Variants in SLC24A2 observed in about 807,000 individuals in gnomAD.
SLC24A2 encodes the protein solute carrier family 24 member 2.
Under a neutral mutation model 62.0 loss-of-function variants are expected in SLC24A2, and 36 were observed. The observed-to-expected ratio is 0.58, with a 90% CI of 0.44 to 0.77. The LOEUF (loss-of-function observed/expected upper bound fraction) is 0.77, where lower values mean the gene tolerates loss of function less well. Among genes scored for constraint, SLC24A2 ranks in the 30% least tolerant of loss-of-function variants. SLC24A2 has a pLI of 0.00. For missense variants in SLC24A2, 846 were observed against 817.9 expected (o/e 1.03, Z -0.42); for synonymous variants, 358 against 294.0 (o/e 1.22, Z -2.23).
intron 7 of SLC24A2, among the ~76,000 whole-genome samples, chr9:19,561,515 A>C (rs1006739813): frequency 2.1e-5 from 3 of 144,892 alleles, no homozygotes; most frequent in Non-Finnish European, 4.5e-5. Flanking sequence ...GCTCACTGCA[A>C]CCTCCGCCTC....
chr9:19,876,505 T>C, the SLC24A2 span, among the ~76,000 whole-genome samples: 1 of 152,040 alleles, frequency 6.6e-6, no homozygotes, highest in Non-Finnish European at 1.5e-5. Context: ...TTCTTCTGGT[T>C]AAGTCAGATC....
At chr9:19,769,190 C>G (rs926142953) in intron 2 of SLC24A2, among the ~76,000 whole-genome samples, 1 of 152,212 alleles carries the variant, frequency 6.6e-6, no homozygotes, top group Non-Finnish European at 1.5e-5. Flanking sequence ...TCTAGTTACA[C>G]AGGACAAAAA....
chr9:19,618,778 T>A (rs1817833871), intron 4 of SLC24A2, among the ~76,000 whole-genome samples: 1 of 152,212 alleles, frequency 6.6e-6, no homozygotes, highest in Non-Finnish European at 1.5e-5. Flanking sequence ...AGCCCAATTA[T>A]AAAGTCCAAG....
the SLC24A2 span, among the ~76,000 whole-genome samples, chr9:19,934,212 C>CT: frequency 2.6e-5 from 4 of 152,200 alleles, no homozygotes; most frequent in African/African-American, 9.6e-5. The surrounding 1 kb of genome is among the most constrained non-coding windows in gnomAD (Gnocchi z 4.1). Flanking sequence ...GCCTGGCTCT[C>CT]TGAGAGGTCT....
the SLC24A2 span, among the ~76,000 whole-genome samples, chr9:20,243,376 T>C: frequency 6.6e-6 from 1 of 152,220 alleles, no homozygotes; most frequent in Non-Finnish European, 1.5e-5. Flanking sequence ...ATTCTATTTA[T>C]GAAATATTTG....
the SLC24A2 span, among the ~76,000 whole-genome samples, chr9:19,852,117 A>G: frequency 5.9e-5 from 9 of 152,224 alleles, no homozygotes; most frequent in Admixed American, 5.2e-4. Context: ...TTCTTGCCAC[A>G]TAAATGTCTT....
the SLC24A2 span, among the ~76,000 whole-genome samples, chr9:19,804,902 C>G: frequency 6.6e-6 from 1 of 152,062 alleles, no homozygotes; most frequent in Non-Finnish European, 1.5e-5. Flanking sequence ...TAGCATTTCT[C>G]CTTTATTCTA....
At chr9:20,220,721 G>A in the SLC24A2 span, among the ~76,000 whole-genome samples, 4 of 152,054 alleles carry the variant, frequency 2.6e-5, no homozygotes, top group Non-Finnish European at 5.9e-5. Context: ...ACGCTGTCAC[G>A]ATGGCCTTAC....
At chr9:20,126,768 C>G in the SLC24A2 span, among the ~76,000 whole-genome samples, 1 of 152,100 alleles carries the variant, frequency 6.6e-6, no homozygotes, top group Non-Finnish European at 1.5e-5. Flanking sequence ...ATCCTTAATT[C>G]TCTTAATTAT....
chr9:20,143,053 C>A, the SLC24A2 span, among the ~76,000 whole-genome samples: 5 of 152,102 alleles, frequency 3.3e-5, no homozygotes, highest in Admixed American at 2.6e-4. Context: ...TCAGAGTCAC[C>A]CACCAATGAA....
At position 19,560,910 on chromosome 9, in the gene SLC24A2, TATATATAGAGAG is replaced by T. The variant is rs746383961; in HGVS notation, c.1348-10654_1348-10643del. 3.7e-3 allele frequency among the ~76,000 whole-genome samples: 209 copies of T among 56,124 alleles called. 4 individuals carry two copies. Among genetic ancestry groups the T allele is most frequent in the African/African-American group, 0.014 (202 of 14,426 alleles). The allele number at this position is 56,124 out of a possible 152,430, so 36.8% of individuals were successfully genotyped here. On this transcript the variant is annotated intron_variant, in intron 7 of 10. Transcript: ENST00000341998. Reference sequence around the variant, plus strand: ...GTGTGTGTGTGTGTATATATATATATATATATAGAGAGAGAGAGAGAGAGAGAGAGAGAGAGA... The same window carrying T: ...GTGTGTGTGTGTGTATATATATATATAGAGAGAGAGAGAGAGAGAGAGAGA...
the SLC24A2 span, among the ~76,000 whole-genome samples, chr9:19,859,607 A>C: frequency 6.6e-6 from 1 of 152,250 alleles, no homozygotes; most frequent in Non-Finnish European, 1.5e-5. Context: ...ATCTACATGC[A>C]CAATAAATCA....
At chr9:19,582,620 G>A (rs1278318333) in intron 5 of SLC24A2, among the ~76,000 whole-genome samples, 3 of 152,188 alleles carry the variant, frequency 2.0e-5, no homozygotes, top group African/African-American at 7.2e-5. Context: ...TTTCTTTGAA[G>A]TTTATGGCTT....
the SLC24A2 span, among the ~76,000 whole-genome samples, chr9:19,989,673 A>G: frequency 6.6e-6 from 1 of 152,184 alleles, no homozygotes; most frequent in Non-Finnish European, 1.5e-5. Flanking sequence ...ACTAAGAAGA[A>G]CTTTCCCTCT....
intron 2 of SLC24A2, among the ~76,000 whole-genome samples, chr9:19,645,747 C>G (rs117864880): frequency 6.6e-3 from 1,001 of 152,276 alleles, no homozygotes; most frequent in Non-Finnish European, 0.01. Flanking sequence ...ATTGATTCTG[C>G]AAGAAAGAAG....
the SLC24A2 span, among the ~76,000 whole-genome samples, chr9:19,858,591 G>A: frequency 6.6e-6 from 1 of 152,076 alleles, no homozygotes; most frequent in Admixed American, 6.6e-5. Flanking sequence ...TATCTGCAAA[G>A]TATGCATCTG....
At chr9:20,199,116 C>G in the SLC24A2 span, among the ~76,000 whole-genome samples, 2 of 152,144 alleles carry the variant, frequency 1.3e-5, no homozygotes, top group Admixed American at 1.3e-4. Flanking sequence ...TATTAACTAA[C>G]AAGAATGTTT....
At chr9:19,597,608 G>A (rs938979605) in intron 4 of SLC24A2, among the ~76,000 whole-genome samples, 7 of 152,160 alleles carry the variant, frequency 4.6e-5, no homozygotes, top group Non-Finnish European at 7.3e-5. Flanking sequence ...TTTTATAGAG[G>A]TGACACTCCG....
At chr9:19,593,977 G>C (rs1306931696) in intron 5 of SLC24A2, among the ~76,000 whole-genome samples, 1 of 151,846 alleles carries the variant, frequency 6.6e-6, no homozygotes, top group Non-Finnish European at 1.5e-5. Flanking sequence ...CCCAGCAGTG[G>C]GAGACACCCA....
Sources: gnomAD v4.1 joint callset for allele counts (sites outside exome capture counted in the v4.1 genomes callset) on GRCh38, gnomAD v4.1.1 for gene constraint, Gnocchi (gnomAD v3.1) non-coding constraint, MANE v1.5 for transcripts, NCBI Gene and HGNC (gene_info 2026-07-23, HGNC 2026-07-21) for gene names.